The following ANGPT2 variants were observed in gnomAD, a reference collection of about 807,000 sequenced individuals.
ANGPT2 encodes the protein angiopoietin-2.
A neutral mutation model predicts 62.9 loss-of-function variants in ANGPT2; 28 were observed. The observed-to-expected ratio is 0.44, with a 90% CI of 0.33 to 0.61. The LOEUF (loss-of-function observed/expected upper bound fraction) is 0.61, where lower values mean the gene tolerates loss of function less well. Ranked by LOEUF, ANGPT2 falls within the 20% of genes least tolerant of loss-of-function variation. The pLI is 0.03. For synonymous variants in ANGPT2, 284 were observed against 207.8 expected (o/e 1.37, Z -3.15); for missense variants, 727 against 594.9 (o/e 1.22, Z -2.31).
chr8:6,537,824 C>T (rs1390850383), intron 1 of ANGPT2, among the ~76,000 whole-genome samples: 1 of 151,918 alleles, frequency 6.6e-6, no homozygotes, highest in Non-Finnish European at 1.5e-5. Flanking sequence ...GAAAACTATC[C>T]CCAACTTGGA....
rs139792887 is a variant in ANGPT2 at position 6,543,372 on chromosome 8, G to C, written c.289-10885C>G. 1.9e-3 allele frequency among the ~76,000 whole-genome samples: 289 copies of C among 152,254 alleles called. 2 individuals are homozygous for C. In the East Asian group the frequency reaches 0.05, roughly 26 times the overall value. On this transcript the variant is annotated intron_variant, in intron 1 of 8. Transcript: ENST00000629816. ...TCCAACGAACTGCTCCTCGTCTCCT[G>C]CCTGGACACCCTTCTCTCTGTGCTT...
chr8:6,561,065 A>G (rs1825460510), intron 1 of ANGPT2, among the ~76,000 whole-genome samples: 1 of 152,242 alleles, frequency 6.6e-6, no homozygotes, highest in Non-Finnish European at 1.5e-5. Flanking sequence ...AGAAATAGGA[A>G]GTTCAAGTTA....
At chr8:6,508,523 TA>T in intron 8 of ANGPT2, 1 of 247,958 alleles carries the variant, frequency 4.0e-6, no homozygotes, top group Non-Finnish European at 7.5e-6. Context: ...CTTTGAACAT[TA>T]AATTATTAGT....
At chr8:6,537,645 T>C (rs1204261698) in intron 1 of ANGPT2, among the ~76,000 whole-genome samples, 1 of 152,022 alleles carries the variant, frequency 6.6e-6, no homozygotes, top group African/African-American at 2.4e-5. Context: ...ATGATCAAAT[T>C]TGACAGGAAA....
At chr8:6,521,914 A>C (rs893924637) in intron 3 of ANGPT2, among the ~76,000 whole-genome samples, 1 of 152,190 alleles carries the variant, frequency 6.6e-6, no homozygotes, top group African/African-American at 2.4e-5. Context: ...GGGGAGGTGA[A>C]TACTTCTCCC....
At chr8:6,554,948 A>C (rs1375340372) in intron 1 of ANGPT2, among the ~76,000 whole-genome samples, 1 of 152,198 alleles carries the variant, frequency 6.6e-6, no homozygotes, top group Non-Finnish European at 1.5e-5. Flanking sequence ...TTCATGGAGA[A>C]ATATCTAATT....
At chr8:6,551,105 G>T (rs1282994993) in intron 1 of ANGPT2, among the ~76,000 whole-genome samples, 1 of 152,186 alleles carries the variant, frequency 6.6e-6, no homozygotes, top group Non-Finnish European at 1.5e-5. Flanking sequence ...ACCTTCCACG[G>T]CTCCTGGGCC....
intron 1 of ANGPT2, among the ~76,000 whole-genome samples, chr8:6,553,743 G>A (rs1042001621): frequency 6.6e-6 from 1 of 151,940 alleles, no homozygotes; most frequent in Non-Finnish European, 1.5e-5. Context: ...TCAGGCAGAG[G>A]GGAAATGGCA....
rs1169006298 is a variant in ANGPT2, at chr8:6,502,936, G to T, written c.*165C>A. 1.2e-5 allele frequency: 9 copies of T among 730,846 alleles called. No homozygotes were observed. The highest frequency in any genetic ancestry group is 2.0e-5 in the Non-Finnish European group (9 of 451,518). The allele number at this position is 730,846 out of a possible 1,614,324, so 45.3% of individuals were successfully genotyped here. On this transcript the variant is annotated 3_prime_UTR_variant, in exon 9 of 9. Transcript: ENST00000629816. ...GGTCCGTTAAGTGATGCAAGTTTAA[G>T]TGATAAAGTTTACAGGCTCTAATCT...
intron 3 of ANGPT2, among the ~76,000 whole-genome samples, chr8:6,526,188 G>A (rs557239067): frequency 5.3e-5 from 8 of 151,202 alleles, no homozygotes; most frequent in South Asian, 2.1e-4. Flanking sequence ...AGGATGCTGC[G>A]GTGGGCAGAA....
chr8:6,532,154 T>G (rs1819642174), intron 2 of ANGPT2, among the ~76,000 whole-genome samples, 178 bp downstream of exon 2: 1 of 151,886 alleles, frequency 6.6e-6, no homozygotes, highest in Admixed American at 6.6e-5. Flanking sequence ...AAAAACAGAT[T>G]TACTGATTTT....
At chr8:6,506,748 A>T (rs1030694368) in intron 8 of ANGPT2, among the ~76,000 whole-genome samples, 2 of 150,748 alleles carry the variant, frequency 1.3e-5, no homozygotes, top group African/African-American at 4.9e-5. Context: ...ACCAAATAGT[A>T]GTCATATTAT....
chr8:6,510,555 G>T (rs1247837535), intron 7 of ANGPT2, among the ~76,000 whole-genome samples: 1 of 152,192 alleles, frequency 6.6e-6, no homozygotes, highest in Non-Finnish European at 1.5e-5. Context: ...CATGCACACT[G>T]GATGCTTATA....
rs1812463763 is a variant in ANGPT2, at chr8:6,502,876, C to CACACCA, written c.*224_*225insTGGTGT. Reference sequence around the variant, plus strand: ...GTTCATCTTTGCATAGGTGTTCTGTCTAATCACAATTATGGATGTTTAGGG... The same window carrying CACACCA: ...GTTCATCTTTGCATAGGTGTTCTGTCACACCATAATCACAATTATGGATGTTTAGGG... On this transcript the variant is annotated 3_prime_UTR_variant, in exon 9 of 9. Coordinates refer to ENST00000629816, the MANE Select transcript of ANGPT2 (RefSeq NM_001118887.2). 1.9e-6 allele frequency: 1 copy of CACACCA among 536,812 alleles called. No individual in the cohort carries two copies. The allele number at this position is 536,812 out of a possible 1,614,324, so 33.3% of individuals were successfully genotyped here. A position where few individuals can be genotyped will look rare whatever the true frequency, so the allele number is the denominator to read the frequency against.
intron 1 of ANGPT2, among the ~76,000 whole-genome samples, chr8:6,545,052 G>C (rs1010633652): frequency 6.6e-6 from 1 of 152,098 alleles, no homozygotes; most frequent in Admixed American, 6.6e-5. Flanking sequence ...TGCCATCACA[G>C]ACATCATGTT....
At chr8:6,518,233 C>A (rs1293960418) in intron 5 of ANGPT2, among the ~76,000 whole-genome samples, 1 of 152,168 alleles carries the variant, frequency 6.6e-6, no homozygotes, top group Non-Finnish European at 1.5e-5. Flanking sequence ...CTCTGTCCCC[C>A]CTCTTGACAC....
At chr8:6,561,528 G>C (rs944786635) in intron 1 of ANGPT2, among the ~76,000 whole-genome samples, 2 of 152,194 alleles carry the variant, frequency 1.3e-5, no homozygotes, top group Non-Finnish European at 2.9e-5. Flanking sequence ...TGAAATGAAA[G>C]AGTGAGAAAA....
chr8:6,502,887 T>A lies in ANGPT2; in HGVS notation c.*214A>T, dbSNP rs760954034. The A allele has an allele frequency of 1.8e-6, 1 of 549,496 alleles. No individual in the cohort carries two copies. Among genetic ancestry groups the A allele is most frequent in the Non-Finnish European group, 3.2e-6 (1 of 313,164 alleles). 34.0% of individuals were successfully genotyped at this position (549,496 alleles called of 1,614,324 possible). A position where few individuals can be genotyped will look rare whatever the true frequency, so the allele number is the denominator to read the frequency against. ...CATAGGTGTTCTGTCTAATCACAAT[T>A]ATGGATGTTTAGGGTCTTGCTTTGG... On this transcript the variant is annotated 3_prime_UTR_variant, in exon 9 of 9. Coordinates refer to ENST00000629816, the MANE Select transcript of ANGPT2 (RefSeq NM_001118887.2).
intron 7 of ANGPT2, among the ~76,000 whole-genome samples, chr8:6,509,503 A>C (rs1047699638): frequency 1.3e-5 from 2 of 152,198 alleles, no homozygotes; most frequent in African/African-American, 4.8e-5. Flanking sequence ...GCAGACAAGG[A>C]ATGGCCACTG....
Sources: allele counts gnomAD v4.1 joint callset (sites outside exome capture counted in the v4.1 genomes callset), GRCh38; gene constraint gnomAD v4.1.1; transcripts MANE v1.5; gene names NCBI Gene and HGNC (gene_info 2026-07-23, HGNC 2026-07-21).